Variants in RBPJ observed in about 807,000 individuals in gnomAD.
RBPJ encodes recombining binding protein suppressor of hairless.
Under a neutral mutation model 67.8 loss-of-function variants are expected in RBPJ, and 9 were observed. The ratio of observed to expected loss-of-function variants is 0.13; its 90% CI spans 0.08 to 0.23. The LOEUF (loss-of-function observed/expected upper bound fraction) is 0.23. Among genes scored for constraint, RBPJ ranks in the 10% least tolerant of loss-of-function variants. The probability of loss-of-function intolerance (pLI) is 1.00; values close to 1 mark genes in which losing one functional copy is unlikely to be tolerated. For missense variants in RBPJ, 305 were observed against 595.6 expected, an observed-to-expected ratio of 0.51 and a Z score of 5.08; for synonymous variants, 198 against 203.3, an observed-to-expected ratio of 0.97 and a Z score of 0.22.
chr4:26,123,879 G>A, the RBPJ span, among the ~76,000 whole-genome samples: 1 of 152,036 alleles, frequency 6.6e-6, no homozygotes, highest in Non-Finnish European at 1.5e-5. Context: ...GATAACAGTA[G>A]TCTTCTGTAC....
At chr4:26,400,833 A>G (rs1187283848) in intron 2 of RBPJ, among the ~76,000 whole-genome samples, 1 of 152,202 alleles carries the variant, frequency 6.6e-6, no homozygotes, top group Non-Finnish European at 1.5e-5. Context: ...TGAACTGTGA[A>G]CAGTTACATC....
At chr4:26,218,512 G>A (rs1182806105) in intron 1 of RBPJ, among the ~76,000 whole-genome samples, 1 of 152,184 alleles carries the variant, frequency 6.6e-6, no homozygotes, top group Non-Finnish European at 1.5e-5. Flanking sequence ...TCATGGGTCA[G>A]ACAGGGTCAC....
chr4:26,154,927 C>A, the RBPJ span, among the ~76,000 whole-genome samples: 2 of 152,180 alleles, frequency 1.3e-5, no homozygotes, highest in South Asian at 4.1e-4. Flanking sequence ...GTAATACCCC[C>A]CACCAGGCTT....
chr4:26,264,855 C>T lies in RBPJ; in HGVS notation c.-166-97591C>T, dbSNP rs1218296798. 6.6e-6 allele frequency among the ~76,000 whole-genome samples: 1 copy of T among 152,164 alleles called. No homozygotes were observed. The highest frequency in any genetic ancestry group is 1.5e-5 in the Non-Finnish European group (1 of 68,028). ...TTGTAGAGGCAAAGAAAATTTCCTT[C>T]TCCTTTTGAAGGTTCAAGTCTCCTA... On this transcript the variant is annotated intron_variant, in intron 1 of 4. Coordinates refer to the RBPJ transcript ENST00000512351. This position sits in a 1 kb window ranked among gnomAD's most constrained non-coding sequence, Gnocchi z 4.1.
intron 2 of RBPJ, among the ~76,000 whole-genome samples, chr4:26,394,931 G>C (rs890153855): frequency 6.6e-6 from 1 of 152,076 alleles, no homozygotes; most frequent in African/African-American, 2.4e-5. Context: ...TGTAATTGTT[G>C]TAACTATTTT....
the RBPJ span, among the ~76,000 whole-genome samples, chr4:26,105,821 G>A: frequency 6.6e-6 from 1 of 152,312 alleles, no homozygotes; most frequent in Middle Eastern, 3.4e-3. Flanking sequence ...AAAAAAGTCT[G>A]AAGGGTTTTA....
upstream of RBPJ, among the ~76,000 whole-genome samples, chr4:26,316,480 TAC>T (rs1419020340): frequency 0.011 from 1,267 of 116,684 alleles, 11 homozygotes; most frequent in African/African-American, 0.027. Flanking sequence ...CATTCATATA[TAC>T]ATATTCATAT....
At chr4:26,280,641 A>G (rs1252836420) in intron 1 of RBPJ, among the ~76,000 whole-genome samples, 1 of 152,172 alleles carries the variant, frequency 6.6e-6, no homozygotes, top group Non-Finnish European at 1.5e-5. Context: ...AATAGACAAG[A>G]GTGATGGTTG....
intron 1 of RBPJ, chr4:26,362,539 A>G: frequency 6.2e-7 from 1 of 1,603,744 alleles, no homozygotes; most frequent in Non-Finnish European, 8.5e-7. Context: ...ATACAGATAC[A>G]CTGGCTGAGG....
chr4:26,280,364 C>A (rs1047581347), intron 1 of RBPJ, among the ~76,000 whole-genome samples: 2 of 145,810 alleles, frequency 1.4e-5, no homozygotes, highest in Admixed American at 6.9e-5. Flanking sequence ...ACATTGCACT[C>A]CAGCCTGGGT....
chr4:26,424,385 A>G lies in RBPJ; in HGVS notation c.540A>G (p.Leu180=), dbSNP rs749821857. Residue 180 remains leucine (L), a synonymous_variant, in exon 6 of 11, where the codon CTA becomes CTG. Coordinates refer to ENST00000355476, the MANE Select transcript of RBPJ (RefSeq NM_015874.6). This position sits in a 1 kb window ranked among gnomAD's most constrained non-coding sequence, Gnocchi z 5.3. The part of the protein sequence containing the change: ...SGTKVALFNR[L]RSQTVSTRYL... ...CAAAGGTGGCTCTGTTTAATCGACT[A>G]CGATCCCAGACAGTTAGTACCAGAT... The G allele has an allele frequency of 4.3e-6, 7 of 1,614,106 alleles. No individual in the cohort carries two copies. The highest frequency in any genetic ancestry group is 1.1e-5 in the South Asian group (1 of 91,078).
At chr4:26,142,794 G>A in the RBPJ span, among the ~76,000 whole-genome samples, 8 of 152,086 alleles carry the variant, frequency 5.3e-5, no homozygotes, top group Non-Finnish European at 1.2e-4. Flanking sequence ...GTGTGAGAGA[G>A]AGAGAGAGAC....
intron 1 of RBPJ, among the ~76,000 whole-genome samples, chr4:26,206,693 T>G (rs1718180424): frequency 6.6e-6 from 1 of 150,782 alleles, no homozygotes; most frequent in Non-Finnish European, 1.5e-5. Flanking sequence ...TTGGTTAAAG[T>G]TCAAAGTTAA....
the RBPJ span, among the ~76,000 whole-genome samples, chr4:26,152,328 C>T: frequency 9.9e-5 from 15 of 152,266 alleles, no homozygotes; most frequent in East Asian, 2.3e-3. Context: ...GTTCCAGGTA[C>T]GCCCTGAACA....
Position 26,182,421 on chromosome 4 carries a change from A to G in RBPJ, c.-167+18807A>G, listed in dbSNP as rs376410320. Among the ~76,000 whole-genome samples the G allele has an allele frequency of 4.7e-4, 71 of 152,342 alleles. No individual in the cohort carries two copies. The Middle Eastern group carries it at 0.01, about 22-fold the overall frequency. ...AGCTTAAAACAGATTGTATAGCTGT[A>G]CAAAAATATTTTCCTTATATCCTTA... On this transcript the variant is annotated intron_variant, in intron 1 of 4. Transcript: ENST00000512351.
chr4:26,295,098 G>A (rs760878148), intron 1 of RBPJ, among the ~76,000 whole-genome samples: 7 of 152,214 alleles, frequency 4.6e-5, no homozygotes, highest in East Asian at 1.9e-4. Flanking sequence ...ACAAAGAGCC[G>A]TAAATCACTG....
the RBPJ span, among the ~76,000 whole-genome samples, chr4:26,125,419 GCTGTT>G: frequency 6.6e-6 from 1 of 152,182 alleles, no homozygotes; most frequent in Admixed American, 6.5e-5. Flanking sequence ...TGAGTAAAAG[GCTGTT>G]TAACCTTTCT....
chr4:26,320,620 C>A, upstream of RBPJ: 1 of 1,022,966 alleles, frequency 9.8e-7, no homozygotes, highest in Non-Finnish European at 1.4e-6. Context: ...TTCCCAGGAC[C>A]CCTCCTCCCT....
intron 1 of RBPJ, among the ~76,000 whole-genome samples, chr4:26,195,804 C>A (rs958115091): frequency 1.3e-5 from 2 of 152,196 alleles, no homozygotes; most frequent in African/African-American, 2.4e-5. Context: ...CCATGTTGGT[C>A]AGGCTGGTCT....
Sources: allele counts gnomAD v4.1 joint callset (sites outside exome capture counted in the v4.1 genomes callset), GRCh38; gene constraint gnomAD v4.1.1; non-coding constraint Gnocchi (gnomAD v3.1); transcripts MANE v1.5; gene names NCBI Gene and HGNC (gene_info 2026-07-23, HGNC 2026-07-21).